The following RGS6 variants were observed in gnomAD, a reference collection of about 807,000 sequenced individuals.
RGS6 encodes regulator of G protein signaling 6, also known as regulator of G-protein signaling 6.
In RGS6, 30 loss-of-function variants were observed where a neutral mutation model predicts 78.5. The observed-to-expected ratio is 0.38, with a 90% CI of 0.29 to 0.52. The LOEUF is 0.52. Among genes scored for constraint, RGS6 ranks in the 20% least tolerant of loss-of-function variants. The pLI is 0.85. For missense variants in RGS6, 495 were observed against 609.7 expected (o/e 0.81, Z 1.98); for synonymous variants, 206 against 206.0 (o/e 1.00, Z 0.00).
chr14:72,298,579 C>A (rs2065367885), intron 2 of RGS6, among the ~76,000 whole-genome samples: 1 of 151,696 alleles, frequency 6.6e-6, no homozygotes. Context: ...TCCCGAGTAG[C>A]TGGGACTACA....
chr14:72,545,700 T>G (rs2097386387), intron 17 of RGS6, among the ~76,000 whole-genome samples: 1 of 152,048 alleles, frequency 6.6e-6, no homozygotes, highest in African/African-American at 2.4e-5. Context: ...TTGGGTGTAT[T>G]TACAAAGCCT....
intron 2 of RGS6, among the ~76,000 whole-genome samples, chr14:72,115,992 A>T (rs1410523778): frequency 6.6e-6 from 1 of 152,222 alleles, no homozygotes; most frequent in African/African-American, 2.4e-5. Flanking sequence ...CCTGTTAAGG[A>T]TCTGCTTCCT....
chr14:72,500,019 A>G (rs1050402064), intron 13 of RGS6, among the ~76,000 whole-genome samples: 1 of 152,250 alleles, frequency 6.6e-6, no homozygotes, highest in African/African-American at 2.4e-5. Context: ...GGAAAGGAGG[A>G]GAGGCAAATG....
chr14:72,561,364 G>C (rs1197716505), intron 17 of RGS6, among the ~76,000 whole-genome samples: 19 of 152,116 alleles, frequency 1.2e-4, no homozygotes, highest in Admixed American at 1.2e-3. Context: ...CTGACCCACT[G>C]TCAATAATAT....
intron 2 of RGS6, among the ~76,000 whole-genome samples, chr14:71,970,858 G>A (rs2153074029): frequency 6.6e-6 from 1 of 152,230 alleles, no homozygotes; most frequent in Non-Finnish European, 1.5e-5. Context: ...GTCCATCCCA[G>A]GAGAGGGGAT....
At position 72,563,870 on chromosome 14, in the gene RGS6, C is replaced by A. The variant is rs1032038818; in HGVS notation, c.*1403C>A. 8.5e-5 allele frequency: 13 copies of A among 152,176 alleles called. No individual in the cohort carries two copies. Among genetic ancestry groups the A allele is most frequent in the African/African-American group, 3.1e-4 (13 of 41,466 alleles). 9.4% of individuals were successfully genotyped at this position (152,176 alleles called of 1,614,324 possible). On this transcript the variant is annotated 3_prime_UTR_variant, in exon 18 of 18. Transcript: ENST00000553525. Reference sequence around the variant, plus strand: ...TCACTCCCCCACTTGCTATGACTACCCTCCTTTGATCTATTTTTGGTCATA... The same window carrying A: ...TCACTCCCCCACTTGCTATGACTACACTCCTTTGATCTATTTTTGGTCATA...
chr14:72,042,524 A>G (rs1385965617), intron 2 of RGS6, among the ~76,000 whole-genome samples: 1 of 152,118 alleles, frequency 6.6e-6, no homozygotes, highest in African/African-American at 2.4e-5. Context: ...TACTGTTAAC[A>G]TTTTATAGTA....
chr14:72,055,686 A>G (rs529714749), intron 2 of RGS6, among the ~76,000 whole-genome samples: 1 of 152,294 alleles, frequency 6.6e-6, no homozygotes, highest in Admixed American at 6.5e-5. Flanking sequence ...GGTGATTCTA[A>G]CGTGCAGTCA....
rs145868504 is a variant in RGS6, at chr14:72,164,621, C to A, written c.85-187474C>A. On this transcript the variant is annotated intron_variant, in intron 2 of 17. Coordinates refer to ENST00000553525, the MANE Select transcript of RGS6 (RefSeq NM_001204424.2). ...TTAGAATAACAGCAAGAAGCTCAGA[C>A]AACTATGAAGTGGCAGGGTGCAGTT... Among the ~76,000 whole-genome samples the A allele has an allele frequency of 5.6e-4, 86 of 152,262 alleles. No individual in the cohort carries two copies. In the East Asian group the frequency reaches 0.015, roughly 27 times the overall value.
intron 3 of RGS6, among the ~76,000 whole-genome samples, chr14:72,424,836 T>A (rs1164601122): frequency 6.6e-6 from 1 of 152,216 alleles, no homozygotes; most frequent in Admixed American, 6.5e-5. Flanking sequence ...GAACCAAAAC[T>A]TTCCCTGTGC....
intron 2 of RGS6, among the ~76,000 whole-genome samples, chr14:72,206,819 A>G (rs1357722514): frequency 6.6e-6 from 1 of 150,604 alleles, no homozygotes; most frequent in Non-Finnish European, 1.5e-5. Context: ...TCAAGATGAG[A>G]TTTGAGTGGG....
chr14:72,122,675 C>T (rs538933125), intron 2 of RGS6, among the ~76,000 whole-genome samples: 7 of 151,696 alleles, frequency 4.6e-5, no homozygotes, highest in African/African-American at 9.7e-5. Context: ...GTTTGTTATA[C>T]GCTGTCATTT....
chr14:72,034,998 C>T (rs1464315043), intron 2 of RGS6, among the ~76,000 whole-genome samples: 1 of 152,148 alleles, frequency 6.6e-6, no homozygotes, highest in Non-Finnish European at 1.5e-5. Context: ...AAATCTCCCA[C>T]TGTCCCATTT....
At chr14:72,095,907 C>A (rs1261402592) in intron 2 of RGS6, among the ~76,000 whole-genome samples, 1 of 152,114 alleles carries the variant, frequency 6.6e-6, no homozygotes, top group African/African-American at 2.4e-5. Context: ...TCAGTGGGGA[C>A]GAGATAGTTT....
chr14:72,100,392 G>T (rs1008512184), intron 2 of RGS6, among the ~76,000 whole-genome samples: 3 of 152,134 alleles, frequency 2.0e-5, no homozygotes, highest in African/African-American at 7.2e-5. Context: ...CTACTCGGGA[G>T]GCTGAGGCAG....
At chr14:72,398,284 G>C (rs868063784) in intron 3 of RGS6, among the ~76,000 whole-genome samples, 2 of 152,180 alleles carry the variant, frequency 1.3e-5, no homozygotes, top group Non-Finnish European at 2.9e-5. Context: ...TCTTGGGAGA[G>C]TGTATGTGTT....
intron 3 of RGS6, among the ~76,000 whole-genome samples, chr14:72,405,752 C>T (rs910722270): frequency 6.6e-6 from 1 of 152,234 alleles, no homozygotes; most frequent in East Asian, 1.9e-4. Context: ...AGCACTAGGT[C>T]TCCTTGCCTG....
intron 2 of RGS6, among the ~76,000 whole-genome samples, chr14:72,305,857 C>T (rs7155710): frequency 6.6e-6 from 1 of 152,162 alleles, no homozygotes; most frequent in Non-Finnish European, 1.5e-5. Context: ...ATGTCAAAAG[C>T]TGAGACAGGC....
chr14:72,569,523 T>C (rs1425330377), downstream of RGS6, among the ~76,000 whole-genome samples: 4 of 152,066 alleles, frequency 2.6e-5, no homozygotes, highest in Non-Finnish European at 4.4e-5. Context: ...CTACCAAAAA[T>C]ACAAAAATTA....
Sources: allele counts gnomAD v4.1 joint callset (sites outside exome capture counted in the v4.1 genomes callset), GRCh38; gene constraint gnomAD v4.1.1; transcripts MANE v1.5; gene names NCBI Gene and HGNC (gene_info 2026-07-23, HGNC 2026-07-21).